PARVB: variants seen among roughly 807,000 people sequenced by gnomAD.
The protein encoded by PARVB is beta-parvin.
PARVB carries 46 observed loss-of-function variants against 47.0 expected under a neutral mutation model. That is an observed-to-expected ratio of 0.98 (90% CI 0.77 to 1.25). The LOEUF (loss-of-function observed/expected upper bound fraction) is 1.25, where lower values mean the gene tolerates loss of function less well. Among genes scored for constraint, PARVB ranks in the 50% most tolerant of loss-of-function variants. The pLI is 0.00. For synonymous variants in PARVB, 196 were observed against 196.3 expected (o/e 1.00, Z 0.01); for missense variants, 473 against 471.6 (o/e 1.00, Z -0.03).
intron 3 of PARVB, chr22:44,111,182 A>G (rs531033693): frequency 6.6e-6 from 1 of 151,912 alleles, no homozygotes; most frequent in African/African-American, 2.4e-5. Flanking sequence ...GTACCTTGGG[A>G]TAAATTAGAG....
At chr22:44,086,756 C>T (rs560574377) in intron 1 of PARVB, 163 of 985,312 alleles carry the variant, frequency 1.7e-4, no homozygotes, top group Non-Finnish European at 1.9e-4. Flanking sequence ...AGAAGACCTT[C>T]GTGCCTGATG....
chr22:44,131,528 C>A lies in PARVB; in HGVS notation c.418C>A (p.Gln140Lys). The change falls in exon 5 of 13, where the codon CAG (glutamine) becomes AAG (lysine). Residue 140 changes from glutamine (Q) to lysine (K), a missense_variant. Transcript: ENST00000338758. ...CAAGCTGAATGTGGCTGAGGTGACA[C>A]AGTCCGAAATAGGGCAGAAACAGAA... Reference protein sequence around the residue: ...GCKLNVAEVTQSEIGQKQKLQ... With the variant: ...GCKLNVAEVTKSEIGQKQKLQ... 6.2e-7 allele frequency: 1 copy of A among 1,614,098 alleles called. No individual in the cohort carries two copies. Among genetic ancestry groups the A allele is most frequent in the Non-Finnish European group, 8.5e-7 (1 of 1,180,010 alleles).
chr22:44,135,272 T>G (rs905091480), intron 6 of PARVB, among the ~76,000 whole-genome samples: 10 of 152,048 alleles, frequency 6.6e-5, no homozygotes, highest in South Asian at 2.1e-4. Flanking sequence ...TACTTTTTTT[T>G]TTTTGAGATG....
At chr22:44,092,418 T>C (rs1486585436) in intron 1 of PARVB, among the ~76,000 whole-genome samples, 1 of 152,226 alleles carries the variant, frequency 6.6e-6, no homozygotes, top group Non-Finnish European at 1.5e-5. Context: ...CTGGGTTATT[T>C]CTACTTTTGG....
At chr22:44,097,212 A>C (rs1286140179) in intron 2 of PARVB, among the ~76,000 whole-genome samples, 1 of 152,188 alleles carries the variant, frequency 6.6e-6, no homozygotes, top group Non-Finnish European at 1.5e-5. Flanking sequence ...GAGTCCCTGG[A>C]GTCCTGTTCC....
At chr22:44,131,240 C>A (rs945231941) in intron 4 of PARVB, among the ~76,000 whole-genome samples, 6 of 151,688 alleles carry the variant, frequency 4.0e-5, no homozygotes, top group Admixed American at 3.3e-4. Flanking sequence ...CTCCCGGGTT[C>A]AAGCACTTCT....
Position 44,120,685 on chromosome 22 carries a change from A to G in PARVB, c.376+1545A>G, listed in dbSNP as rs144681886. On this transcript the variant is annotated intron_variant, in intron 4 of 12. Coordinates refer to ENST00000338758, the MANE Select transcript of PARVB (RefSeq NM_013327.5). The stretch of plus-strand genomic sequence containing the variant: ...AAAAAACCACTTTTTTATTTGTTCT[A>G]TTTTGGTAGAGTCAGGATCTCACTC... Among the ~76,000 whole-genome samples the G allele has an allele frequency of 2.4e-3, 362 of 151,924 alleles. 4 individuals carry two copies. The highest frequency in any genetic ancestry group is 8.3e-3 in the African/African-American group (344 of 41,326).
intron 2 of PARVB, among the ~76,000 whole-genome samples, chr22:44,017,066 G>C (rs1188033274): frequency 2.0e-5 from 3 of 151,938 alleles, no homozygotes; most frequent in African/African-American, 7.3e-5. Context: ...GTAGAGATGG[G>C]GTTTCGCCCT....
intron 1 of PARVB, among the ~76,000 whole-genome samples, chr22:44,056,729 C>T (rs565323839): frequency 1.3e-3 from 192 of 151,808 alleles, no homozygotes; most frequent in African/African-American, 4.5e-3. Context: ...TGGCCTCGAA[C>T]CCCTGGGCTC....
chr22:44,166,843 A>C (rs992757376), intron 12 of PARVB, among the ~76,000 whole-genome samples: 4 of 152,236 alleles, frequency 2.6e-5, no homozygotes, highest in African/African-American at 9.6e-5. Context: ...TCAGCTGGGG[A>C]GCAAGAATCA....
chr22:44,002,690 G>A (rs1392741727), intron 2 of PARVB, among the ~76,000 whole-genome samples: 1 of 152,134 alleles, frequency 6.6e-6, no homozygotes, highest in African/African-American at 2.4e-5. Flanking sequence ...TAAACGTGAG[G>A]CCTGTTTTTA....
intron 1 of PARVB, among the ~76,000 whole-genome samples, chr22:44,066,778 T>TTTCTTCTCCTCCTCCTCCTCC (rs202143083): frequency 0.11 from 13,395 of 118,694 alleles, 940 homozygotes; most frequent in African/African-American, 0.18. Context: ...CCCTTAATTA[T>TTTCTTCTCCTCCTCCTCCTCC]TTCTCCTCCT....
At chr22:44,100,015 C>A in intron 2 of PARVB, 38 bp from the exon 3 acceptor site, 1 of 1,577,160 alleles carries the variant, frequency 6.3e-7, no homozygotes, top group Non-Finnish European at 8.7e-7. Flanking sequence ...CTGCCACCCC[C>A]ACAATCGCTG....
chr22:44,157,798 C>G (rs2053967635), intron 10 of PARVB, among the ~76,000 whole-genome samples, 184 bp from the exon 11 acceptor site: 1 of 152,074 alleles, frequency 6.6e-6, no homozygotes, highest in Non-Finnish European at 1.5e-5. Context: ...AGAATCGCCT[C>G]AGGGAGGATC....
chr22:44,053,083 CTTTTT>C (rs1192961779), intron 1 of PARVB, among the ~76,000 whole-genome samples: 1 of 137,592 alleles, frequency 7.3e-6, no homozygotes, highest in African/African-American at 2.7e-5. Context: ...TGTTACACAT[CTTTTT>C]TTTTTTTTTT....
chr22:44,042,583 C>A (rs754003706), intron 1 of PARVB, among the ~76,000 whole-genome samples: 2 of 152,196 alleles, frequency 1.3e-5, no homozygotes, highest in Non-Finnish European at 2.9e-5. Flanking sequence ...CTGCTGAGAA[C>A]GTCTGCACTT....
intron 1 of PARVB, among the ~76,000 whole-genome samples, chr22:44,039,546 G>GAA (rs751255660): frequency 8.8e-6 from 1 of 113,238 alleles, no homozygotes; most frequent in Non-Finnish European, 1.9e-5. Flanking sequence ...CTGTCAAAAA[G>GAA]AAAGAAAAAA....
chr22:44,101,184 C>A (rs998669586), intron 3 of PARVB, among the ~76,000 whole-genome samples: 5 of 149,088 alleles, frequency 3.4e-5, no homozygotes, highest in Admixed American at 6.7e-5. Flanking sequence ...CCGAGGCGGG[C>A]GGATCACGAG....
At chr22:44,024,698 G>A (rs2050699903) in intron 1 of PARVB, among the ~76,000 whole-genome samples, 1 of 152,096 alleles carries the variant, frequency 6.6e-6, no homozygotes, top group Admixed American at 6.5e-5. Flanking sequence ...CTGCGCGGCG[G>A]GGACCTCGGG....
Sources: gnomAD v4.1 joint callset for allele counts (sites outside exome capture counted in the v4.1 genomes callset) on GRCh38, gnomAD v4.1.1 for gene constraint, MANE v1.5 for transcripts, NCBI Gene and HGNC (gene_info 2026-07-23, HGNC 2026-07-21) for gene names.